The following PCMT1 variants were observed in gnomAD, a reference collection of about 807,000 sequenced individuals.
PCMT1 encodes the protein protein-L-isoaspartate(D-aspartate) O-methyltransferase.
PCMT1 carries 9 observed loss-of-function variants against 29.2 expected under a neutral mutation model. The observed-to-expected ratio is 0.31, with a 90% CI of 0.19 to 0.54. The LOEUF (loss-of-function observed/expected upper bound fraction) is 0.54. Ranked by LOEUF, PCMT1 falls within the 20% of genes least tolerant of loss-of-function variation. The pLI is 0.95. For synonymous variants in PCMT1, 98 were observed against 97.5 expected, an observed-to-expected ratio of 1.00 and a Z score of -0.03; for missense variants, 184 against 282.2, an observed-to-expected ratio of 0.65 and a Z score of 2.49.
At chr6:149,807,817 A>G (rs141836407) in intron 7 of PCMT1, among the ~76,000 whole-genome samples, 1 of 152,370 alleles carries the variant, frequency 6.6e-6, no homozygotes, top group East Asian at 1.9e-4. Flanking sequence ...AAAAGATGTT[A>G]GGAATTGACT....
intron 5 of PCMT1, among the ~76,000 whole-genome samples, chr6:149,794,495 G>A (rs564525582): frequency 1.2e-4 from 19 of 152,316 alleles, no homozygotes; most frequent in African/African-American, 3.1e-4. Flanking sequence ...GCGCACGCCT[G>A]TAGTCCTAGC....
At chr6:149,789,889 A>T (rs1300547980) in intron 3 of PCMT1, 65 bp from the exon 4 acceptor site, 52 of 1,092,646 alleles carry the variant, frequency 4.8e-5, no homozygotes, top group Non-Finnish European at 6.4e-5. Context: ...AAAGTTGGCA[A>T]CTTTATTTAT....
In PCMT1 at chr6:149,808,721, C is replaced by A. The variant is rs531665540; in HGVS notation, c.*38-1895C>A. 2.0e-5 allele frequency among the ~76,000 whole-genome samples: 3 copies of A among 152,006 alleles called. No homozygotes were observed. In the South Asian group the frequency reaches 6.2e-4, roughly 32 times the overall value. Reference sequence around the variant, plus strand: ...GCGTGATCTCAGCTTGCTGCAACCTCCGCCTCCCTGGTTTAAGCGATTCTC... The same window carrying A: ...GCGTGATCTCAGCTTGCTGCAACCTACGCCTCCCTGGTTTAAGCGATTCTC... On this transcript the variant is annotated intron_variant, in intron 7 of 7. Transcript: ENST00000464889.
chr6:149,753,901 C>T (rs1786423665), intron 1 of PCMT1, among the ~76,000 whole-genome samples: 1 of 152,120 alleles, frequency 6.6e-6, no homozygotes, highest in Admixed American at 6.6e-5. Context: ...ACCTGGAGAG[C>T]TTTTCAAAAT....
At chr6:149,773,510 C>G (rs1787426384) in intron 3 of PCMT1, among the ~76,000 whole-genome samples, 1 of 152,188 alleles carries the variant, frequency 6.6e-6, no homozygotes, top group African/African-American at 2.4e-5. Context: ...TCCCCAGGAG[C>G]TGGGACTACA....
At chr6:149,806,636 C>G (rs962621316) in intron 7 of PCMT1, among the ~76,000 whole-genome samples, 14 of 152,202 alleles carry the variant, frequency 9.2e-5, no homozygotes, top group African/African-American at 3.4e-4. Context: ...GTCACCCAGG[C>G]TGGAGTGCAG....
intron 3 of PCMT1, among the ~76,000 whole-genome samples, chr6:149,780,146 C>T (rs1482122397): frequency 6.6e-6 from 1 of 152,028 alleles, no homozygotes; most frequent in African/African-American, 2.4e-5. Flanking sequence ...TGAGACCAGC[C>T]TGGGCAACAT....
chr6:149,758,739 G>A (rs10747276), intron 1 of PCMT1, among the ~76,000 whole-genome samples: 60,778 of 151,992 alleles, frequency 0.4, 13,065 homozygotes, highest in East Asian at 0.81. Flanking sequence ...TTAAGGTATA[G>A]TGAAAGATCC....
At position 149,802,194 on chromosome 6, in the gene PCMT1, T is replaced by C. The variant is rs373659454; in HGVS notation, c.505-6T>C. ...TGATGTATGTGCTTTTTTTTTTTTC[T>C]TTTAGCTAATAGATCAGTTAAAGCC... On this transcript the variant is annotated splice_polypyrimidine_tract_variant and splice_region_variant and intron_variant, in intron 6 of 7. Transcript: ENST00000464889. The C allele has an allele frequency of 1.3e-4, 197 of 1,551,270 alleles. No individual in the cohort carries two copies. In the African/African-American group the frequency reaches 2.6e-3, roughly 21 times the overall value.
At chr6:149,766,373 G>C (rs566927786) in intron 1 of PCMT1, among the ~76,000 whole-genome samples, 1 of 152,190 alleles carries the variant, frequency 6.6e-6, no homozygotes, top group East Asian at 1.9e-4. Context: ...GCTTGGCTGG[G>C]TATAAAATCG....
intron 1 of PCMT1, among the ~76,000 whole-genome samples, chr6:149,751,476 CTTTT>C (rs76128652): frequency 5.1e-4 from 60 of 116,548 alleles, no homozygotes; most frequent in Non-Finnish European, 8.4e-4. Context: ...ATGGTTGGTA[CTTTT>C]TTTTTTTTTT....
chr6:149,794,099 AC>A (rs1371161946), intron 5 of PCMT1, among the ~76,000 whole-genome samples: 2 of 152,130 alleles, frequency 1.3e-5, no homozygotes, highest in Admixed American at 1.3e-4. Context: ...AGTCAGACTT[AC>A]CAATTTTTTT....
At chr6:149,789,146 G>A (rs1306581655) in intron 3 of PCMT1, among the ~76,000 whole-genome samples, 1 of 146,010 alleles carries the variant, frequency 6.8e-6, no homozygotes, top group Non-Finnish European at 1.5e-5. Flanking sequence ...GCATGATCTC[G>A]GATCACTGCA....
chr6:149,771,077 C>T lies in PCMT1; in HGVS notation c.56-85C>T, dbSNP rs1787302944. The T allele has an allele frequency of 1.7e-5, 12 of 709,450 alleles. No individual in the cohort carries two copies. The South Asian group carries it at 2.3e-4, about 14-fold the overall frequency. The allele number at this position is 709,450 out of a possible 1,614,324, so 43.9% of individuals were successfully genotyped here. On this transcript the variant is annotated intron_variant, in intron 1 of 7. Coordinates refer to ENST00000464889, the MANE Select transcript of PCMT1 (RefSeq NM_001360452.2). ...CAATCATTCTCTCTTCCAGTTCAGTCTCTATAGCACAGCTGGTGTAATTAT... is the reference window on the plus strand; with the variant it reads ...CAATCATTCTCTCTTCCAGTTCAGTTTCTATAGCACAGCTGGTGTAATTAT...
At chr6:149,752,447 C>T (rs1280183851) in intron 1 of PCMT1, among the ~76,000 whole-genome samples, 2 of 152,154 alleles carry the variant, frequency 1.3e-5, no homozygotes, top group African/African-American at 4.8e-5. Context: ...GATCTGCCTG[C>T]CTCGGCCTCC....
At chr6:149,765,359 C>CA (rs745563333) in intron 1 of PCMT1, among the ~76,000 whole-genome samples, 2,014 of 85,354 alleles carry the variant, frequency 0.024, 63 homozygotes, top group Non-Finnish European at 0.034. Flanking sequence ...GACTCTGTCT[C>CA]AAAAAAAAAA....
rs975927332 is a variant in PCMT1, at chr6:149,810,841, A to C, written c.*263A>C. 2 of 434,250 alleles carry C rather than the reference A, an allele frequency of 4.6e-6. No homozygotes were observed. The highest frequency in any genetic ancestry group is 4.1e-5 in the African/African-American group (2 of 49,166). 26.9% of individuals were successfully genotyped at this position (434,250 alleles called of 1,614,324 possible). A position where few individuals can be genotyped will look rare whatever the true frequency, so the allele number is the denominator to read the frequency against. On this transcript the variant is annotated 3_prime_UTR_variant, in exon 8 of 8. Coordinates refer to ENST00000464889, the MANE Select transcript of PCMT1 (RefSeq NM_001360452.2). The stretch of plus-strand genomic sequence containing the variant: ...AAGGATGCAAAGTATAAATTTGTGT[A>C]ATATTACTTTAACATGCCCATATTT...
intron 3 of PCMT1, among the ~76,000 whole-genome samples, chr6:149,785,355 C>CTT (rs11310169): frequency 3.7e-4 from 27 of 73,236 alleles, no homozygotes; most frequent in Non-Finnish European, 3.4e-4. Context: ...TGGCTGTTTT[C>CTT]TTTTTTTTTT....
At chr6:149,759,988 T>C (rs973978390) in intron 1 of PCMT1, among the ~76,000 whole-genome samples, 19 of 152,244 alleles carry the variant, frequency 1.2e-4, no homozygotes, top group African/African-American at 4.6e-4. Context: ...TTTTCATTGA[T>C]ACCATCCCAG....
Sources: allele counts gnomAD v4.1 joint callset (sites outside exome capture counted in the v4.1 genomes callset), GRCh38; gene constraint gnomAD v4.1.1; transcripts MANE v1.5; gene names NCBI Gene and HGNC (gene_info 2026-07-23, HGNC 2026-07-21).